SAMD4A: variants seen among roughly 807,000 people sequenced by gnomAD.
SAMD4A encodes sterile alpha motif domain containing 4A.
In SAMD4A, 33 loss-of-function variants were observed where a neutral mutation model predicts 81.3. The ratio of observed to expected loss-of-function variants is 0.41; its 90% CI spans 0.31 to 0.54. SAMD4A has a LOEUF of 0.54. Ranked by LOEUF, SAMD4A falls within the 20% of genes least tolerant of loss-of-function variation. The pLI, the probability that SAMD4A is intolerant of heterozygous loss-of-function variation, is 0.37. For missense variants in SAMD4A, 854 were observed against 951.1 expected (o/e 0.90, Z 1.34); for synonymous variants, 389 against 382.1 (o/e 1.02, Z -0.21).
intron 2 of SAMD4A, among the ~76,000 whole-genome samples, chr14:54,686,546 C>A (rs2036274173): frequency 7.6e-6 from 1 of 131,790 alleles, no homozygotes; most frequent in Non-Finnish European, 1.6e-5. Context: ...CCATCGGGCT[C>A]TTTGGCTAAC....
At chr14:54,706,559 G>A (rs1278786177) in intron 3 of SAMD4A, among the ~76,000 whole-genome samples, 1 of 149,334 alleles carries the variant, frequency 6.7e-6, no homozygotes. Context: ...GAGCCGAGGT[G>A]GTGCCACTGT....
chr14:54,631,928 C>G (rs2034913291), intron 2 of SAMD4A, among the ~76,000 whole-genome samples: 2 of 152,212 alleles, frequency 1.3e-5, no homozygotes, highest in Admixed American at 1.3e-4. Context: ...CTCTGTCTCA[C>G]CCCTAGATTT....
At chr14:54,762,603 G>A (rs1191696787) in intron 7 of SAMD4A, among the ~76,000 whole-genome samples, 1 of 152,016 alleles carries the variant, frequency 6.6e-6, no homozygotes, top group African/African-American at 2.4e-5. Flanking sequence ...CTGAACACGC[G>A]GCACATCGCC....
chr14:54,781,900 A>G (rs2039008144), intron 11 of SAMD4A, among the ~76,000 whole-genome samples: 1 of 152,234 alleles, frequency 6.6e-6, no homozygotes, highest in Non-Finnish European at 1.5e-5. Context: ...TTTTTATCAA[A>G]TACACAATTA....
At chr14:54,608,070 G>A (rs911627652) in intron 2 of SAMD4A, among the ~76,000 whole-genome samples, 1 of 151,756 alleles carries the variant, frequency 6.6e-6, no homozygotes, top group African/African-American at 2.4e-5. Flanking sequence ...AGGAAAGGAG[G>A]ACCCTCAGCC....
intron 2 of SAMD4A, among the ~76,000 whole-genome samples, chr14:54,677,798 A>G (rs2036024322): frequency 6.6e-6 from 1 of 152,196 alleles, no homozygotes; most frequent in East Asian, 1.9e-4. Flanking sequence ...AAGAAAGAGG[A>G]ACATTCTCTC....
intron 11 of SAMD4A, among the ~76,000 whole-genome samples, chr14:54,778,179 ACTCTTTTGCCAGTTCTCAGCCTTC>A (rs1190002182): frequency 6.6e-6 from 1 of 151,686 alleles, no homozygotes; most frequent in Non-Finnish European, 1.5e-5. Flanking sequence ...CCTTCCTGCC[ACTCTTTTGCCAGTTCTCAGCCTTC>A]CTCTTTGTTC....
intron 2 of SAMD4A, among the ~76,000 whole-genome samples, chr14:54,643,850 T>G (rs1359055678): frequency 6.6e-6 from 1 of 152,186 alleles, no homozygotes; most frequent in East Asian, 1.9e-4. Flanking sequence ...AGGTTTTTTT[T>G]GTGTGCTTTC....
intron 11 of SAMD4A, among the ~76,000 whole-genome samples, chr14:54,779,069 CAT>C (rs1437026411): frequency 6.6e-6 from 1 of 152,222 alleles, no homozygotes; most frequent in Non-Finnish European, 1.5e-5. Context: ...ATCCTAGAGT[CAT>C]AGAGTCAGGG....
intron 2 of SAMD4A, among the ~76,000 whole-genome samples, chr14:54,663,450 ACACAACG>A (rs1414865754): frequency 6.6e-6 from 1 of 152,192 alleles, no homozygotes; most frequent in African/African-American, 2.4e-5. Flanking sequence ...AGATCTTAAG[ACACAACG>A]TGAACCTTCG....
chr14:54,613,199 G>A (rs754644099), intron 2 of SAMD4A, among the ~76,000 whole-genome samples: 4 of 151,740 alleles, frequency 2.6e-5, no homozygotes, highest in Non-Finnish European at 5.9e-5. Context: ...GAAGGAAAGG[G>A]AAGGAAAGGA....
At chr14:54,612,139 CTGGT>C (rs2034373282) in intron 2 of SAMD4A, among the ~76,000 whole-genome samples, 1 of 152,122 alleles carries the variant, frequency 6.6e-6, no homozygotes, top group South Asian at 2.1e-4. Flanking sequence ...ACTTTAAAAG[CTGGT>C]TGTTGATGTT....
chr14:54,645,071 ATTATTT>A (rs1566563989), intron 2 of SAMD4A, among the ~76,000 whole-genome samples: 1 of 152,220 alleles, frequency 6.6e-6, no homozygotes, highest in Non-Finnish European at 1.5e-5. Flanking sequence ...ATATGGATTT[ATTATTT>A]TTAAGTTAAT....
In SAMD4A at chr14:54,597,049, A is replaced by C. The variant is rs566427627; in HGVS notation, c.196+28937A>C. Among the ~76,000 whole-genome samples, 5 of 152,256 alleles carry C rather than the reference A, an allele frequency of 3.3e-5. No individual in the cohort carries two copies. In the South Asian group the frequency reaches 1.0e-3, roughly 32 times the overall value. On this transcript the variant is annotated intron_variant, in intron 2 of 12. Coordinates refer to ENST00000554335, the MANE Select transcript of SAMD4A (RefSeq NM_015589.6). ...CATTTTATTGAAAAAGAAAACAAACAAAACACCATATATCTGTATTAGCTT... is the reference window on the plus strand; with the variant it reads ...CATTTTATTGAAAAAGAAAACAAACCAAACACCATATATCTGTATTAGCTT...
chr14:54,753,366 G>A (rs1237109566), intron 6 of SAMD4A, among the ~76,000 whole-genome samples: 1 of 152,230 alleles, frequency 6.6e-6, no homozygotes, highest in Non-Finnish European at 1.5e-5. Context: ...TATACTGCTT[G>A]TAAACATTTT....
chr14:54,761,222 A>T (rs528823944), intron 7 of SAMD4A, among the ~76,000 whole-genome samples: 2 of 152,218 alleles, frequency 1.3e-5, no homozygotes, highest in Non-Finnish European at 2.9e-5. Context: ...TTTACAGAGG[A>T]GGAAACTGAG....
At chr14:54,767,201 A>G (rs897961412) in intron 8 of SAMD4A, among the ~76,000 whole-genome samples, 2 of 152,184 alleles carry the variant, frequency 1.3e-5, no homozygotes, top group Non-Finnish European at 2.9e-5. Flanking sequence ...TGGGTAGAAC[A>G]CGCCCTGCCT....
intron 2 of SAMD4A, among the ~76,000 whole-genome samples, chr14:54,646,861 A>C (rs4901526): frequency 0.039 from 5,964 of 152,302 alleles, 150 homozygotes; most frequent in Middle Eastern, 0.085. Flanking sequence ...TTTCACTTTT[A>C]AAATGAAATC....
intron 2 of SAMD4A, among the ~76,000 whole-genome samples, chr14:54,592,402 CCTGT>C (rs370774431): frequency 3.1e-4 from 47 of 152,284 alleles, no homozygotes; most frequent in Non-Finnish European, 5.9e-4. Context: ...TGTATCCTTT[CCTGT>C]CTATCATTTT....
Sources: gnomAD v4.1 joint callset for allele counts (sites outside exome capture counted in the v4.1 genomes callset) on GRCh38, gnomAD v4.1.1 for gene constraint, MANE v1.5 for transcripts, NCBI Gene and HGNC (gene_info 2026-07-23, HGNC 2026-07-21) for gene names.